Variants in DIAPH3 observed in about 807,000 individuals in gnomAD.
DIAPH3 encodes the protein diaphanous related formin 3.
DIAPH3 carries 117 observed loss-of-function variants against 144.3 expected under a neutral mutation model. The observed-to-expected ratio is 0.81, with a 90% CI of 0.70 to 0.95. The LOEUF is 0.95. DIAPH3 is among the 40% of genes least tolerant of loss of function. The pLI, the probability that DIAPH3 is intolerant of heterozygous loss-of-function variation, is 0.00. For synonymous variants in DIAPH3, 519 were observed against 488.9 expected (o/e 1.06, Z -0.81); for missense variants, 1,421 against 1,412.7 (o/e 1.01, Z -0.09).
intron 18 of DIAPH3, among the ~76,000 whole-genome samples, chr13:59,921,915 A>C (rs1219604811): frequency 1.3e-5 from 2 of 152,148 alleles, no homozygotes; most frequent in African/African-American, 2.4e-5. Flanking sequence ...GCAAATCAGT[A>C]AATGTGACAC....
At chr13:59,854,610 T>G (rs1430452586) in intron 22 of DIAPH3, among the ~76,000 whole-genome samples, 1 of 152,220 alleles carries the variant, frequency 6.6e-6, no homozygotes, top group Non-Finnish European at 1.5e-5. Context: ...TATACTATTC[T>G]GAAATTTTCT....
At position 60,133,130 on chromosome 13, in the gene DIAPH3, A is replaced by C. The variant is rs1411609800; in HGVS notation, c.181-141T>G. 3 of 592,246 alleles carry C rather than the reference A, an allele frequency of 5.1e-6. No homozygotes were observed. The African/African-American group carries it at 5.6e-5, about 11-fold the overall frequency. The allele number at this position is 592,246 out of a possible 1,614,324, so 36.7% of individuals were successfully genotyped here. ...AGTCCAATAAAAACACATTATATAT[A>C]ATCGTTTTAATCTCTTTCTCAAAAA... On this transcript the variant is annotated intron_variant, in intron 1 of 27. Transcript: ENST00000400324.
chr13:60,138,226 T>C (rs1398847565), intron 1 of DIAPH3, among the ~76,000 whole-genome samples: 2 of 152,202 alleles, frequency 1.3e-5, no homozygotes, highest in Admixed American at 1.3e-4. Context: ...TCTACCAATA[T>C]TCTTATTCAG....
chr13:59,812,264 C>G (rs199628798), intron 24 of DIAPH3, among the ~76,000 whole-genome samples: 85,614 of 145,776 alleles, frequency 0.59, 24,769 homozygotes, highest in East Asian at 0.7. Context: ...ATCCATCCAT[C>G]CATCCATCCA....
intron 17 of DIAPH3, among the ~76,000 whole-genome samples, chr13:59,937,828 CA>C (rs1255437915): frequency 2.0e-5 from 3 of 151,350 alleles, no homozygotes; most frequent in East Asian, 3.9e-4. Flanking sequence ...GGACGGGAAG[CA>C]AAAAAAGAAA....
intron 27 of DIAPH3, among the ~76,000 whole-genome samples, chr13:59,705,145 CA>C (rs1368086143): frequency 2.6e-5 from 4 of 151,114 alleles, no homozygotes; most frequent in Admixed American, 1.3e-4. Context: ...GATTTGCATT[CA>C]AAAATGATTA....
Position 60,015,625 on chromosome 13 carries a change from A to G in DIAPH3, c.771+288T>C, listed in dbSNP as rs147157689. On this transcript the variant is annotated intron_variant, in intron 7 of 27. Transcript: ENST00000400324. ...AAAGCAGAGAAAGGGTGGTGGGTGGAGAGAAAAAAAGAAAGAAGATGGGGT... is the reference window on the plus strand; with the variant it reads ...AAAGCAGAGAAAGGGTGGTGGGTGGGGAGAAAAAAAGAAAGAAGATGGGGT... Among the ~76,000 whole-genome samples, 570 of 149,118 alleles carry G rather than the reference A, an allele frequency of 3.8e-3. 4 individuals are homozygous for G. The highest frequency in any genetic ancestry group is 0.014 in the African/African-American group (553 of 40,820).
chr13:59,969,355 G>A (rs1164774788), intron 17 of DIAPH3, among the ~76,000 whole-genome samples: 4 of 152,114 alleles, frequency 2.6e-5, no homozygotes, highest in Non-Finnish European at 4.4e-5. Context: ...GTGACTCATA[G>A]CAATTAATTA....
chr13:59,786,209 T>C (rs915624967), intron 25 of DIAPH3, among the ~76,000 whole-genome samples: 14 of 152,372 alleles, frequency 9.2e-5, no homozygotes, highest in Non-Finnish European at 1.9e-4. Context: ...GTGTAAACCA[T>C]AATTAGCATA....
intron 27 of DIAPH3, among the ~76,000 whole-genome samples, chr13:59,711,544 A>G (rs1399391095): frequency 6.6e-6 from 1 of 152,074 alleles, no homozygotes; most frequent in Non-Finnish European, 1.5e-5. Flanking sequence ...TGCCACCACC[A>G]CCATCACCAC....
At chr13:60,081,480 A>G (rs540668131) in intron 4 of DIAPH3, among the ~76,000 whole-genome samples, 53 of 152,172 alleles carry the variant, frequency 3.5e-4, no homozygotes, top group Middle Eastern at 6.8e-3. Flanking sequence ...CATAGAATAA[A>G]GAAAAGAATA....
At chr13:60,095,614 G>T (rs1393775106) in intron 3 of DIAPH3, among the ~76,000 whole-genome samples, 5 of 143,646 alleles carry the variant, frequency 3.5e-5, no homozygotes, top group East Asian at 2.0e-4. Flanking sequence ...TGTTTTTTGT[G>T]TTTTTTTTTT....
chr13:60,045,360 A>G (rs2056000284), intron 4 of DIAPH3, among the ~76,000 whole-genome samples: 1 of 152,018 alleles, frequency 6.6e-6, no homozygotes, highest in African/African-American at 2.4e-5. Context: ...ATAAAAATAA[A>G]AATAAATAAA....
chr13:59,958,641 T>C (rs1003976420), intron 17 of DIAPH3, among the ~76,000 whole-genome samples: 3 of 151,752 alleles, frequency 2.0e-5, no homozygotes, highest in African/African-American at 7.3e-5. Context: ...CAGAAAAAAA[T>C]GAAGTTAGTA....
chr13:59,974,833 C>CA (rs1274946696), intron 14 of DIAPH3, among the ~76,000 whole-genome samples: 1 of 152,020 alleles, frequency 6.6e-6, no homozygotes, highest in Non-Finnish European at 1.5e-5. Flanking sequence ...CTTCCACCTG[C>CA]AAAAACTTAT....
intron 5 of DIAPH3, among the ~76,000 whole-genome samples, chr13:60,038,729 G>A (rs1459626122): frequency 6.6e-6 from 1 of 151,968 alleles, no homozygotes; most frequent in Non-Finnish European, 1.5e-5. Flanking sequence ...GGAAAATAAT[G>A]CCTAAAATTT....
chr13:60,082,177 A>T (rs2057580617), intron 4 of DIAPH3, among the ~76,000 whole-genome samples: 1 of 152,052 alleles, frequency 6.6e-6, no homozygotes, highest in Admixed American at 6.6e-5. Context: ...ATCATTTCAG[A>T]AATAAAAACT....
chr13:60,071,811 C>A (rs2057218193), intron 4 of DIAPH3, among the ~76,000 whole-genome samples: 1 of 152,122 alleles, frequency 6.6e-6, no homozygotes. Flanking sequence ...AAACTTTTAA[C>A]CCTAAATCTA....
At chr13:60,149,069 G>A (rs1394356655) in intron 1 of DIAPH3, among the ~76,000 whole-genome samples, 1 of 152,194 alleles carries the variant, frequency 6.6e-6, no homozygotes, top group East Asian at 1.9e-4. Flanking sequence ...GAGACAAAGG[G>A]TCAAGGGAAA....
Sources: gnomAD v4.1 joint callset for allele counts (sites outside exome capture counted in the v4.1 genomes callset) on GRCh38, gnomAD v4.1.1 for gene constraint, MANE v1.5 for transcripts, NCBI Gene and HGNC (gene_info 2026-07-23, HGNC 2026-07-21) for gene names.